The following XIRP2 variants were observed in gnomAD, a reference collection of about 807,000 sequenced individuals.
XIRP2 encodes xin actin-binding repeat-containing protein 2.
In XIRP2, 236 loss-of-function variants were observed where a neutral mutation model predicts 277.0. The observed-to-expected ratio is 0.85, with a 90% confidence interval of 0.77 to 0.95. The LOEUF is 0.95. Among genes scored for constraint, XIRP2 ranks in the 40% least tolerant of loss-of-function variants. The probability of loss-of-function intolerance (pLI) is 0.00; values close to 1 mark genes in which losing one functional copy is unlikely to be tolerated. For synonymous variants in XIRP2, 1,490 were observed against 1,416.5 expected (o/e 1.05, Z -1.17); for missense variants, 4,640 against 4,157.5 (o/e 1.12, Z -3.19).
At chr2:167,174,253 T>A (rs1283358701) in intron 3 of XIRP2, among the ~76,000 whole-genome samples, 1 of 152,144 alleles carries the variant, frequency 6.6e-6, no homozygotes, top group Non-Finnish European at 1.5e-5. Context: ...CTGGGCTTGT[T>A]TTGGTTGGTA....
chr2:166,902,125 A>G (rs1241227738), intron 1 of XIRP2, among the ~76,000 whole-genome samples: 1 of 152,128 alleles, frequency 6.6e-6, no homozygotes, highest in Middle Eastern at 3.2e-3. Context: ...CCAACCTGGG[A>G]CTGAACTTCT....
At chr2:166,985,890 T>C (rs954932247) in intron 2 of XIRP2, among the ~76,000 whole-genome samples, 7 of 152,122 alleles carry the variant, frequency 4.6e-5, no homozygotes, top group African/African-American at 1.7e-4. Context: ...GGTGATCTCC[T>C]CATCTGGGAA....
chr2:167,031,922 T>C lies in XIRP2; in HGVS notation c.409-103987T>C, dbSNP rs138789488. Among the ~76,000 whole-genome samples the C allele has an allele frequency of 2.4e-3, 371 of 152,140 alleles. 4 individuals are homozygous for C. Among genetic ancestry groups the C allele is most frequent in the African/African-American group, 8.2e-3 (340 of 41,532 alleles). On this transcript the variant is annotated intron_variant, in intron 2 of 10. Coordinates refer to ENST00000409195, the MANE Select transcript of XIRP2 (RefSeq NM_152381.6). ...CAGTGCTACCCCCATCAAGCTGCCA[T>C]TGACTTTTTCAACCAAGTTGGGAAA...
chr2:167,259,209 C>T lies in XIRP2; in HGVS notation c.*1392C>T, dbSNP rs1360033931. On this transcript the variant is annotated 3_prime_UTR_variant, in exon 11 of 11. Coordinates refer to ENST00000409195, the MANE Select transcript of XIRP2 (RefSeq NM_152381.6). ...GTTAAACCTTGGCATGTTGAAACAACAGAAGCTGCCCGCAATAATGAAAAC... is the reference window on the plus strand; with the variant it reads ...GTTAAACCTTGGCATGTTGAAACAATAGAAGCTGCCCGCAATAATGAAAAC... 1 of 1,613,302 alleles carries T rather than the reference C, an allele frequency of 6.2e-7. No individual in the cohort carries two copies. Among genetic ancestry groups the T allele is most frequent in the African/African-American group, 1.3e-5 (1 of 74,812 alleles).
At chr2:167,114,853 A>G (rs1183138574) in intron 2 of XIRP2, among the ~76,000 whole-genome samples, 3 of 152,170 alleles carry the variant, frequency 2.0e-5, no homozygotes, top group Non-Finnish European at 4.4e-5. Context: ...ATTGTTGGAC[A>G]TTTGGGTTGG....
chr2:167,243,422 C>CG lies in XIRP2; in HGVS notation c.2032dup (p.Val678GlyfsTer5). The CG allele has an allele frequency of 6.2e-7, 1 of 1,613,868 alleles. No individual in the cohort carries two copies. The highest frequency in any genetic ancestry group is 8.5e-7 in the Non-Finnish European group (1 of 1,179,936). On this transcript the variant is annotated frameshift_variant, in exon 9 of 11. Transcript: ENST00000409195. LOFTEE classifies it high-confidence loss of function. ...ATGCATCAAAGTCAAGAAGAATCAG[C>CG]GGTAACTATCAGTAAGGACATAACT...
At chr2:167,196,190 G>T (rs1430355933) in intron 3 of XIRP2, among the ~76,000 whole-genome samples, 2 of 152,002 alleles carry the variant, frequency 1.3e-5, no homozygotes, top group African/African-American at 4.8e-5. Context: ...TATACAACTG[G>T]AAAATTTAAG....
intron 2 of XIRP2, among the ~76,000 whole-genome samples, chr2:167,105,758 AC>A (rs1690601472): frequency 6.6e-6 from 1 of 151,838 alleles, no homozygotes; most frequent in Admixed American, 6.6e-5. Flanking sequence ...GAGTACATGT[AC>A]CATTTTACAT....
chr2:167,203,975 A>G (rs1251493777), intron 3 of XIRP2, among the ~76,000 whole-genome samples: 1 of 151,884 alleles, frequency 6.6e-6, no homozygotes, highest in Admixed American at 6.6e-5. Flanking sequence ...TTTTTTCAAG[A>G]ACTAAACAGT....
At chr2:166,968,983 G>A (rs1355201998) in intron 2 of XIRP2, among the ~76,000 whole-genome samples, 1 of 151,880 alleles carries the variant, frequency 6.6e-6, no homozygotes, top group Non-Finnish European at 1.5e-5. Context: ...AAACAGAAAA[G>A]CCTGAGGCCA....
chr2:166,977,111 A>AT (rs960157643), intron 2 of XIRP2, among the ~76,000 whole-genome samples: 101 of 151,046 alleles, frequency 6.7e-4, no homozygotes, highest in Middle Eastern at 3.4e-3. Context: ...CTCTGTTGGT[A>AT]TTTTTTTTTC....
chr2:166,956,385 A>C (rs977499127), intron 2 of XIRP2, among the ~76,000 whole-genome samples: 1 of 151,814 alleles, frequency 6.6e-6, no homozygotes. Flanking sequence ...GGTGTCATTT[A>C]ACTAAGTTGT....
At chr2:167,132,511 TACACACACACACACAC>T (rs35636231) in intron 2 of XIRP2, among the ~76,000 whole-genome samples, 3 of 146,226 alleles carry the variant, frequency 2.1e-5, no homozygotes, top group East Asian at 2.0e-4. Context: ...TGCATGTGTA[TACACACACACACACAC>T]ACACACACAC....
chr2:167,210,197 C>T (rs1693982275), intron 3 of XIRP2, among the ~76,000 whole-genome samples: 2 of 152,244 alleles, frequency 1.3e-5, no homozygotes, highest in Non-Finnish European at 2.9e-5. Context: ...GACATATCTC[C>T]TTAAAGGTTG....
intron 3 of XIRP2, among the ~76,000 whole-genome samples, chr2:167,178,993 C>T (rs538737582): frequency 7.2e-4 from 110 of 152,196 alleles, no homozygotes; most frequent in African/African-American, 2.6e-3. Flanking sequence ...ATTTCTCCTG[C>T]TTTTCTCCAC....
Position 167,244,371 on chromosome 2 carries a change from TC to T in XIRP2, c.2983del (p.Gly996GlufsTer6). On this transcript the variant is annotated frameshift_variant, in exon 9 of 11. Coordinates refer to ENST00000409195, the MANE Select transcript of XIRP2 (RefSeq NM_152381.6). LOFTEE classifies it high-confidence loss of function. Reference sequence around the variant, plus strand: ...CAACACCACTGTATGCCATTCAAGATCCCCTTGGAAAATATCATCAAGTAAA... The same window carrying T: ...CAACACCACTGTATGCCATTCAAGATCCCTTGGAAAATATCATCAAGTAAA... The part of the protein sequence containing the change: ...ETTPLYAIQD[P>X]LGKYHQVKTV... The T allele has an allele frequency of 6.2e-7, 1 of 1,613,436 alleles. No individual in the cohort carries two copies.
At chr2:167,023,780 ATT>A (rs1216133953) in intron 2 of XIRP2, among the ~76,000 whole-genome samples, 1 of 152,028 alleles carries the variant, frequency 6.6e-6, no homozygotes, top group East Asian at 1.9e-4. Context: ...ATGCGGCATT[ATT>A]TCTGAGGGAT....
At chr2:167,090,817 A>G (rs1690120273) in intron 2 of XIRP2, among the ~76,000 whole-genome samples, 1 of 151,996 alleles carries the variant, frequency 6.6e-6, no homozygotes, top group African/African-American at 2.4e-5. Context: ...CCAAGAACTC[A>G]CTCATTGACT....
intron 5 of XIRP2, among the ~76,000 whole-genome samples, chr2:167,237,734 G>T (rs1449976591): frequency 6.6e-6 from 1 of 152,148 alleles, no homozygotes; most frequent in African/African-American, 2.4e-5. Context: ...GCCCCTCATA[G>T]GGACCTTGGT....
Sources: allele counts gnomAD v4.1 joint callset (sites outside exome capture counted in the v4.1 genomes callset), GRCh38; gene constraint gnomAD v4.1.1; transcripts MANE v1.5; gene names NCBI Gene and HGNC (gene_info 2026-07-23, HGNC 2026-07-21).